PCDH15: variants seen among roughly 807,000 people sequenced by gnomAD.
The protein encoded by PCDH15 is protocadherin related 15.
In PCDH15, 129 loss-of-function variants were observed where a neutral mutation model predicts 178.5. That is an observed-to-expected ratio of 0.72 (90% CI 0.63 to 0.84). The LOEUF (loss-of-function observed/expected upper bound fraction) is 0.84, where lower values mean the gene tolerates loss of function less well. Ranked by LOEUF, PCDH15 falls within the 40% of genes least tolerant of loss-of-function variation. The pLI is 0.00. For synonymous variants in PCDH15, 800 were observed against 732.0 expected (o/e 1.09, Z -1.50); for missense variants, 2,230 against 2,099.9 (o/e 1.06, Z -1.21).
rs558151570 is a variant in PCDH15, at chr10:54,914,075, A to G, written c.-79-16575T>C. Among the ~76,000 whole-genome samples, 17 of 152,284 alleles carry G rather than the reference A, an allele frequency of 1.1e-4. No homozygotes were observed. The South Asian group carries it at 3.5e-3, about 32-fold the overall frequency. On this transcript the variant is annotated intron_variant, in intron 2 of 5. Coordinates refer to the PCDH15 transcript ENST00000458638. ...GATTTTCAGGGACTGTTTGAAAGGC[A>G]TAATTGTGTTTTGAAATGTGAGAAG... is the stretch of plus-strand genomic sequence containing the variant.
chr10:55,033,165 A>T (rs1273313849), intron 2 of PCDH15, among the ~76,000 whole-genome samples: 1 of 152,134 alleles, frequency 6.6e-6, no homozygotes, highest in Non-Finnish European at 1.5e-5. Flanking sequence ...GGGCGGGAGC[A>T]CCAAAGAGAG....
At chr10:54,717,693 G>A (rs972964505) in intron 1 of PCDH15, among the ~76,000 whole-genome samples, 2 of 137,726 alleles carry the variant, frequency 1.5e-5, no homozygotes, top group African/African-American at 2.8e-5. Context: ...CATTGTGGAA[G>A]TCAGTGTGGC....
intron 2 of PCDH15, among the ~76,000 whole-genome samples, chr10:54,630,813 A>T (rs2093681592): frequency 6.6e-6 from 1 of 152,172 alleles, no homozygotes; most frequent in Non-Finnish European, 1.5e-5. Flanking sequence ...CAAAAGTGAA[A>T]AAACAAATAA....
chr10:54,642,530 A>C (rs1447970853), intron 2 of PCDH15, among the ~76,000 whole-genome samples: 4 of 152,020 alleles, frequency 2.6e-5, no homozygotes, highest in Non-Finnish European at 4.4e-5. Context: ...ACCTTAAAAA[A>C]TACGTTGAAA....
intron 21 of PCDH15, among the ~76,000 whole-genome samples, chr10:53,977,497 A>G (rs2090282594): frequency 6.6e-6 from 1 of 152,172 alleles, no homozygotes. Flanking sequence ...GTGTATCATG[A>G]GCTGCCAAGA....
intron 26 of PCDH15, among the ~76,000 whole-genome samples, chr10:53,884,756 T>C (rs1190082424): frequency 6.6e-6 from 1 of 152,220 alleles, no homozygotes; most frequent in East Asian, 1.9e-4. Context: ...GCTTGTATCC[T>C]TATTAGTGAT....
intron 2 of PCDH15, among the ~76,000 whole-genome samples, chr10:55,424,934 T>G (rs1048881236): frequency 6.6e-6 from 1 of 151,932 alleles, no homozygotes; most frequent in Non-Finnish European, 1.5e-5. Flanking sequence ...TTTATACGTT[T>G]ACAGATATGA....
At chr10:53,943,956 T>A (rs2086302158) in intron 23 of PCDH15, among the ~76,000 whole-genome samples, 1 of 152,178 alleles carries the variant, frequency 6.6e-6, no homozygotes, top group African/African-American at 2.4e-5. Flanking sequence ...AAAGTACCAG[T>A]TACATGATGG....
intron 9 of PCDH15, among the ~76,000 whole-genome samples, chr10:54,216,042 CAGAAAA>C (rs1564703280): frequency 1.5e-4 from 1 of 6,826 alleles, no homozygotes; most frequent in Admixed American, 1.7e-3. Flanking sequence ...GACTCCGTCT[CAGAAAA>C]AAAAAAAAAA....
chr10:55,433,141 A>G (rs1229152320), intron 2 of PCDH15, among the ~76,000 whole-genome samples: 4 of 152,236 alleles, frequency 2.6e-5, no homozygotes, highest in African/African-American at 7.2e-5. Flanking sequence ...ATAAAGACAC[A>G]TGCATACATA....
At position 53,828,207 on chromosome 10, in the gene PCDH15, CAAAAAAAAAAAAAAAA is replaced by C. The variant is rs71004480; in HGVS notation, c.4211+342_4211+357del. On this transcript the variant is annotated intron_variant, in intron 31 of 37. Transcript: ENST00000644397. Reference sequence around the variant, plus strand: ...GCCAACAAGAGCAAAAAGTCCGTCTCAAAAAAAAAAAAAAAAAAAAAAAAAAAAAAAAAATTCCTAG... The same window carrying C: ...GCCAACAAGAGCAAAAAGTCCGTCTCAAAAAAAAAAAAAAAAAATTCCTAG... Among the ~76,000 whole-genome samples, 24 of 53,772 alleles carry C rather than the reference CAAAAAAAAAAAAAAAA, an allele frequency of 4.5e-4. No homozygotes were observed. The East Asian group carries it at 4.9e-3, about 11-fold the overall frequency. The allele number at this position is 53,772 out of a possible 152,430, so 35.3% of individuals were successfully genotyped here. A position where few individuals can be genotyped will look rare whatever the true frequency, so the allele number is the denominator to read the frequency against.
At chr10:54,384,773 A>C (rs1949721197) in intron 3 of PCDH15, among the ~76,000 whole-genome samples, 1 of 152,116 alleles carries the variant, frequency 6.6e-6, no homozygotes, top group Non-Finnish European at 1.5e-5. Flanking sequence ...AGGAATGAAA[A>C]TATTTACGTT....
At chr10:55,532,375 T>G (rs982877384) in intron 2 of PCDH15, among the ~76,000 whole-genome samples, 1 of 152,040 alleles carries the variant, frequency 6.6e-6, no homozygotes, top group Non-Finnish European at 1.5e-5. Flanking sequence ...TTTCCATAAT[T>G]AAGGGTAGCT....
chr10:54,239,297 T>A (rs1225153319), intron 8 of PCDH15, among the ~76,000 whole-genome samples: 11 of 151,870 alleles, frequency 7.2e-5, no homozygotes, highest in African/African-American at 2.7e-4. Context: ...ACATAATTTA[T>A]TTACATTGAA....
intron 23 of PCDH15, among the ~76,000 whole-genome samples, chr10:53,946,849 C>G (rs1227262565): frequency 2.0e-5 from 3 of 152,194 alleles, no homozygotes; most frequent in Non-Finnish European, 4.4e-5. Flanking sequence ...GCGATCTCGG[C>G]TCACTGCAAC....
At chr10:54,774,022 T>G (rs1252911253) in intron 1 of PCDH15, among the ~76,000 whole-genome samples, 2 of 47,892 alleles carry the variant, frequency 4.2e-5, no homozygotes, top group Non-Finnish European at 8.5e-5. Flanking sequence ...TTTTTTTTTT[T>G]TTTTTTTTTT....
intron 26 of PCDH15, among the ~76,000 whole-genome samples, chr10:53,874,903 TA>T (rs147645722): frequency 0.013 from 1,951 of 151,238 alleles, 56 homozygotes; most frequent in East Asian, 0.12. Context: ...CTTTTAGAAA[TA>T]AAAAAAAATT....
intron 17 of PCDH15, among the ~76,000 whole-genome samples, chr10:54,070,940 A>G (rs1786187587): frequency 6.6e-6 from 1 of 152,088 alleles, no homozygotes; most frequent in South Asian, 2.1e-4. Context: ...GTATAAAAAA[A>G]GTGAGTTATA....
chr10:55,558,566 T>G (rs1842134652), intron 2 of PCDH15, among the ~76,000 whole-genome samples: 1 of 152,168 alleles, frequency 6.6e-6, no homozygotes, highest in Non-Finnish European at 1.5e-5. Flanking sequence ...ATTTTATTTA[T>G]AAAAATAATG....
Sources: allele counts gnomAD v4.1 joint callset (sites outside exome capture counted in the v4.1 genomes callset), GRCh38; gene constraint gnomAD v4.1.1; transcripts MANE v1.5; gene names NCBI Gene and HGNC (gene_info 2026-07-23, HGNC 2026-07-21).